ZDHHC15: variants seen among roughly 807,000 people sequenced by gnomAD.
The protein encoded by ZDHHC15 is zDHHC palmitoyltransferase 15, also known as palmitoyltransferase ZDHHC15.
Under a neutral mutation model 31.7 loss-of-function variants are expected in ZDHHC15, and 19 were observed. The observed-to-expected ratio is 0.60, with a 90% CI of 0.42 to 0.88. ZDHHC15 has a LOEUF of 0.88. Among genes scored for constraint, ZDHHC15 ranks in the 40% least tolerant of loss-of-function variants. The pLI is 0.00. For missense variants in ZDHHC15, 209 were observed against 251.2 expected, an observed-to-expected ratio of 0.83 and a Z score of 1.14; for synonymous variants, 103 against 90.0, an observed-to-expected ratio of 1.14 and a Z score of -0.82.
rs1048880894 is a variant in ZDHHC15 at position 75,443,250 on chromosome X, G to C, written c.379+7552C>G. ...ACAGTAACCAAAACAGCATGCTACT[G>C]TTTTGGTACCAAAACAGAGTTATAG... On this transcript the variant is annotated intron_variant, in intron 4 of 11. Transcript: ENST00000373367. Among the ~76,000 whole-genome samples the C allele has an allele frequency of 3.6e-5, 4 of 110,452 alleles. No homozygotes were observed. In the Admixed American group the frequency reaches 3.9e-4, roughly 11 times the overall value.
At chrX:75,489,225 A>T (rs2084829657) in intron 2 of ZDHHC15, among the ~76,000 whole-genome samples, 1 of 111,968 alleles carries the variant, frequency 8.9e-6, no homozygotes, top group African/African-American at 3.2e-5. Context: ...TCCCTGTCTG[A>T]CAGCTTTGAA....
intron 3 of ZDHHC15, among the ~76,000 whole-genome samples, chrX:75,470,944 A>G (rs5981875): frequency 0.6 from 65,956 of 110,843 alleles, 17,075 homozygotes; most frequent in Middle Eastern, 0.82. Flanking sequence ...ACCATCACAG[A>G]CTTGACAGAT....
chrX:75,516,349 C>T (rs1424354401), intron 1 of ZDHHC15, among the ~76,000 whole-genome samples: 1 of 112,016 alleles, frequency 8.9e-6, no homozygotes, highest in Non-Finnish European at 1.9e-5. Context: ...TACAAGGCTA[C>T]AGTAACCAAA....
At chrX:75,513,758 A>T (rs1274494461) in intron 1 of ZDHHC15, among the ~76,000 whole-genome samples, 2 of 111,594 alleles carry the variant, frequency 1.8e-5, no homozygotes, top group Non-Finnish European at 3.8e-5. Flanking sequence ...AACATCCAAG[A>T]AGTGCAATGA....
At chrX:75,521,109 A>G (rs1397619697) in intron 1 of ZDHHC15, among the ~76,000 whole-genome samples, 1 of 110,676 alleles carries the variant, frequency 9.0e-6, no homozygotes, top group Non-Finnish European at 1.9e-5. Context: ...TGAAAAAATA[A>G]AGAAGTCTCA....
chrX:75,469,888 G>C (rs1452000424), intron 3 of ZDHHC15, among the ~76,000 whole-genome samples: 1 of 111,732 alleles, frequency 8.9e-6, no homozygotes. Flanking sequence ...AACACTTGCT[G>C]TTTTACAGTT....
At chrX:75,374,896 C>T (rs1335204239) in intron 11 of ZDHHC15, among the ~76,000 whole-genome samples, 1 of 110,221 alleles carries the variant, frequency 9.1e-6, no homozygotes, top group Non-Finnish European at 1.9e-5. Flanking sequence ...TCAGTGTTTG[C>T]CTGGTGATGG....
At chrX:75,393,360 G>A (rs778390635) in intron 10 of ZDHHC15, among the ~76,000 whole-genome samples, 17 of 111,264 alleles carry the variant, frequency 1.5e-4, no homozygotes, top group Admixed American at 2.9e-4. Flanking sequence ...TGCTTCTGAA[G>A]CCAGGAGACA....
chrX:75,409,057 C>A (rs1010888463), intron 10 of ZDHHC15, among the ~76,000 whole-genome samples: 5 of 111,982 alleles, frequency 4.5e-5, no homozygotes, highest in African/African-American at 1.6e-4. Flanking sequence ...CAATCCCTAT[C>A]AAAATACCAA....
chrX:75,474,724 C>A (rs771670285), intron 3 of ZDHHC15, among the ~76,000 whole-genome samples: 3 of 108,716 alleles, frequency 2.8e-5, no homozygotes, highest in South Asian at 3.9e-4. Context: ...GCACATATAA[C>A]CCTTGAAACT....
In ZDHHC15 at chrX:75,522,985, G is replaced by T. The variant is rs748273352; in HGVS notation, c.40C>A (p.Arg14=). The T allele has an allele frequency of 8.3e-7, 1 of 1,210,173 alleles. No individual in the cohort carries two copies. Residue 14 remains arginine (R), a synonymous_variant, in exon 1 of 12, where the codon CGG becomes AGG. Coordinates refer to ENST00000373367, the MANE Select transcript of ZDHHC15 (RefSeq NM_144969.3). The part of the protein sequence containing the change: ...GWKMALSGGL[R]CCRRVLSWVP... ...CAGGACAGTACCCGGCGGCAGCACC[G>T]CAGCCCCCCAGACAGAGCCATCTTC...
At chrX:75,491,692 A>C (rs1214625963) in intron 2 of ZDHHC15, among the ~76,000 whole-genome samples, 2 of 111,166 alleles carry the variant, frequency 1.8e-5, no homozygotes, top group Admixed American at 1.9e-4. Flanking sequence ...AGCCAAACTA[A>C]ACTTCCTAAG....
chrX:75,515,713 CAT>C (rs1167952733), intron 1 of ZDHHC15, among the ~76,000 whole-genome samples: 1 of 111,507 alleles, frequency 9.0e-6, no homozygotes, highest in Non-Finnish European at 1.9e-5. Flanking sequence ...TATTCAACAA[CAT>C]ATTGGAAGTT....
chrX:75,415,198 G>T (rs908467124), intron 10 of ZDHHC15, among the ~76,000 whole-genome samples: 18 of 111,748 alleles, frequency 1.6e-4, no homozygotes, highest in Non-Finnish European at 3.4e-4. Context: ...ACCTTTCCTA[G>T]GAATCTAAGT....
At chrX:75,510,343 T>C (rs1208654565) in intron 1 of ZDHHC15, among the ~76,000 whole-genome samples, 1 of 110,698 alleles carries the variant, frequency 9.0e-6, no homozygotes, top group African/African-American at 3.3e-5. Flanking sequence ...TAGTCAGGTG[T>C]GATGATACAT....
chrX:75,479,950 T>G (rs1022924119), intron 2 of ZDHHC15, among the ~76,000 whole-genome samples: 1 of 111,862 alleles, frequency 8.9e-6, no homozygotes, highest in Non-Finnish European at 1.9e-5. Flanking sequence ...ACCTTTCTTT[T>G]CATACCCTTT....
chrX:75,494,386 C>A (rs781156098), intron 2 of ZDHHC15, among the ~76,000 whole-genome samples: 1 of 111,221 alleles, frequency 9.0e-6, no homozygotes, highest in African/African-American at 3.3e-5. Flanking sequence ...TCAATGCCAT[C>A]CCCATCAAGC....
At position 75,429,978 on chromosome X, in the gene ZDHHC15, C is replaced by T. The variant is rs1187153056; in HGVS notation, c.452G>A (p.Cys151Tyr). ...GCAGTGATGATCCATTTTTAACACA[C>T]ACCTACGAAGGGGACAAAATACAGT... is the stretch of plus-strand genomic sequence containing the variant. ...RCHHCSVCAM[C>Y]VLKMDHHCPW... is the part of the protein sequence containing the mutation. The change falls in exon 6 of 12, where the codon TGT becomes TAT. Residue 151 changes from cysteine to tyrosine, a missense_variant and splice_region_variant. Physicochemically the swap from Cys to Tyr is radical, Grantham distance 194. Transcript: ENST00000373367. 8.3e-7 allele frequency: 1 copy of T among 1,209,030 alleles called. No individual in the cohort carries two copies. Among genetic ancestry groups the T allele is most frequent in the Admixed American group, 2.2e-5 (1 of 45,799 alleles).
At position 75,444,181 on chromosome X, in the gene ZDHHC15, C is replaced by T. The variant is rs757135803; in HGVS notation, c.379+6621G>A. ...GACACATGCACACGTATGTTTATTG[C>T]GGCACTATTCACAATAGCAAAGACT... On this transcript the variant is annotated intron_variant, in intron 4 of 11. Transcript: ENST00000373367. Among the ~76,000 whole-genome samples the T allele has an allele frequency of 8.0e-3, 889 of 110,551 alleles. 10 individuals carry two copies. The highest frequency in any genetic ancestry group is 0.027 in the African/African-American group (809 of 30,276).
Sources: gnomAD v4.1 joint callset for allele counts (sites outside exome capture counted in the v4.1 genomes callset) on GRCh38, gnomAD v4.1.1 for gene constraint, MANE v1.5 for transcripts, NCBI Gene and HGNC (gene_info 2026-07-23, HGNC 2026-07-21) for gene names.